Variants in HEATR5B observed in about 807,000 individuals in gnomAD.
The protein encoded by HEATR5B is HEAT repeat containing 5B.
HEATR5B carries 156 observed loss-of-function variants against 224.1 expected under a neutral mutation model. The observed-to-expected ratio is 0.70, with a 90% CI of 0.61 to 0.80. HEATR5B has a LOEUF of 0.80. Ranked by LOEUF, HEATR5B falls within the 30% of genes least tolerant of loss-of-function variation. The pLI is 0.00. For missense variants in HEATR5B, 2,323 were observed against 2,535.5 expected, an observed-to-expected ratio of 0.92 and a Z score of 1.80; for synonymous variants, 1,027 against 893.0, an observed-to-expected ratio of 1.15 and a Z score of -2.68.
intron 33 of HEATR5B, among the ~76,000 whole-genome samples, chr2:36,991,652 A>G (rs1228188852): frequency 1.3e-5 from 2 of 152,212 alleles, no homozygotes; most frequent in Non-Finnish European, 2.9e-5. Context: ...CATTTATTCT[A>G]AAGAACAATA....
Position 36,997,546 on chromosome 2 carries a change from TAC to T in HEATR5B, c.5545+3038_5545+3039del, listed in dbSNP as rs60975857. On this transcript the variant is annotated intron_variant, in intron 33 of 35. Coordinates refer to ENST00000233099, the MANE Select transcript of HEATR5B (RefSeq NM_019024.3). The stretch of plus-strand genomic sequence containing the variant: ...TCCTCTGTGACATCTTTCCTTGACT[TAC>T]AGTTAGTCCTCTGCCATTCTTTTTT... Among the ~76,000 whole-genome samples, 1,371 of 149,826 alleles carry T rather than the reference TAC, an allele frequency of 9.2e-3. 24 individuals are homozygous for T. Among genetic ancestry groups the T allele is most frequent in the African/African-American group, 0.032 (1,311 of 40,812 alleles).
At chr2:37,055,419 C>T (rs1670846207) in intron 16 of HEATR5B, among the ~76,000 whole-genome samples, 1 of 152,002 alleles carries the variant, frequency 6.6e-6, no homozygotes, top group South Asian at 2.1e-4. Flanking sequence ...CTTGGGTAAA[C>T]CAAACTCTTA....
At chr2:37,059,017 G>A (rs1671085454) in intron 12 of HEATR5B, 30 bp from the exon 13 acceptor site, 1 of 1,381,850 alleles carries the variant, frequency 7.2e-7, no homozygotes, top group African/African-American at 1.4e-5. Context: ...GGACAGATTT[G>A]GAGTAGCTTT....
chr2:37,000,014 A>AAAAAC (rs1265998426), intron 33 of HEATR5B, among the ~76,000 whole-genome samples: 1 of 151,956 alleles, frequency 6.6e-6, no homozygotes, highest in Non-Finnish European at 1.5e-5. Context: ...TTTGTCTCAA[A>AAAAAC]AAAACAAAAC....
Position 37,065,029 on chromosome 2 carries a change from G to C in HEATR5B, c.1334-39C>G, listed in dbSNP as rs202059345. The C allele has an allele frequency of 1.9e-6, 3 of 1,585,888 alleles. No homozygotes were observed. In the African/African-American group the frequency reaches 4.1e-5, roughly 21 times the overall value. On this transcript the variant is annotated intron_variant, in intron 9 of 35. Transcript: ENST00000233099. Reference sequence around the variant, plus strand: ...ACTCAAAATATTACTCTTTAATGAAGTCAAATGATTTCAGAAACTCAAATA... The same window carrying C: ...ACTCAAAATATTACTCTTTAATGAACTCAAATGATTTCAGAAACTCAAATA...
intron 21 of HEATR5B, among the ~76,000 whole-genome samples, chr2:37,033,978 A>C (rs1183316438): frequency 6.6e-6 from 1 of 152,208 alleles, no homozygotes; most frequent in East Asian, 1.9e-4. Context: ...TTTTAGAAAG[A>C]GTCCCAGACA....
At chr2:37,076,820 A>G in intron 4 of HEATR5B, 91 bp downstream of exon 4, 2 of 926,288 alleles carry the variant, frequency 2.2e-6, no homozygotes, top group Non-Finnish European at 3.4e-6. Context: ...ATATGAGACC[A>G]CAGTGACAGA....
intron 32 of HEATR5B, 104 bp downstream of exon 32, chr2:37,002,202 A>T (rs1341116486): frequency 4.8e-6 from 6 of 1,250,136 alleles, no homozygotes; most frequent in Non-Finnish European, 6.7e-6. Flanking sequence ...TTTTCACTTG[A>T]GATTTAAGAG....
In HEATR5B at chr2:37,002,339, G is replaced by C. The variant is rs1338822643; in HGVS notation, c.5284C>G (p.Leu1762Val). 2.5e-6 allele frequency: 4 copies of C among 1,614,238 alleles called. No individual in the cohort carries two copies. The highest frequency in any genetic ancestry group is 1.7e-5 in the Admixed American group (1 of 60,028). ...ARLVAATVTI[L>V]SDLPSLCSPA... Reference sequence around the variant, plus strand: ...GAACAAAGGGATGGTAAATCAGAGAGTATGGTAACTGTGGCTGCCACCAAA... The same window carrying C: ...GAACAAAGGGATGGTAAATCAGAGACTATGGTAACTGTGGCTGCCACCAAA... Residue 1762 changes from leucine to valine, a missense_variant, in exon 32 of 36, where the codon CTC becomes GTC. Physicochemically the swap from Leu to Val is conservative, Grantham distance 32 (BLOSUM62 1). Around this residue, in one of 12 missense-constraint regions of HEATR5B, gnomAD observed 844 missense variants for 812.9 expected, o/e 1.04. Coordinates refer to ENST00000233099, the MANE Select transcript of HEATR5B (RefSeq NM_019024.3).
chr2:36,996,030 C>T (rs1269609030), intron 33 of HEATR5B, among the ~76,000 whole-genome samples: 1 of 151,462 alleles, frequency 6.6e-6, no homozygotes, highest in Non-Finnish European at 1.5e-5. Flanking sequence ...GGACCACAGG[C>T]ACACGTCACT....
chr2:37,031,418 TGTTTTTCTTTTC>T (rs998722732), intron 22 of HEATR5B, among the ~76,000 whole-genome samples: 7 of 148,290 alleles, frequency 4.7e-5, no homozygotes, highest in Non-Finnish European at 1.0e-4. Flanking sequence ...GCTGTTTTTC[TGTTTTTCTTTTC>T]TTTCTTTTTT....
chr2:37,049,258 G>C (rs1439585217), intron 18 of HEATR5B, among the ~76,000 whole-genome samples: 1 of 152,044 alleles, frequency 6.6e-6, no homozygotes, highest in Non-Finnish European at 1.5e-5. Flanking sequence ...GCAGCAGTTA[G>C]AAAAAGAATG....
chr2:37,024,448 T>C (rs1668647081), intron 24 of HEATR5B, among the ~76,000 whole-genome samples: 1 of 152,244 alleles, frequency 6.6e-6, no homozygotes, highest in Non-Finnish European at 1.5e-5. Flanking sequence ...ATTTGCTAGA[T>C]TTAACTATTC....
At chr2:37,025,220 T>G (rs1668695032) in intron 24 of HEATR5B, among the ~76,000 whole-genome samples, 1 of 152,150 alleles carries the variant, frequency 6.6e-6, no homozygotes, top group Non-Finnish European at 1.5e-5. Flanking sequence ...CACTGGAATC[T>G]AGGTGGGAGC....
At chr2:37,009,454 G>A (rs1667651232) in intron 27 of HEATR5B, among the ~76,000 whole-genome samples, 2 of 151,840 alleles carry the variant, frequency 1.3e-5, no homozygotes. Context: ...GCACATGCCT[G>A]TAGCCCCAGC....
rs1671833262 is a variant in HEATR5B at position 37,070,354 on chromosome 2, T to C, written c.803A>G (p.Asp268Gly). ...MRQNVKRATF[D>G]EVLELMATGF... is the part of the protein sequence containing the mutation. Reference sequence around the variant, plus strand: ...TGTGGCCATGAGTTCTAAGACTTCATCAAATGTTGCTCGCTTCACATTCTG... The same window carrying C: ...TGTGGCCATGAGTTCTAAGACTTCACCAAATGTTGCTCGCTTCACATTCTG... Residue 268 changes from aspartate to glycine, a missense_variant, in exon 7 of 36, where the codon GAT becomes GGT. By Grantham distance (94) the Asp-to-Gly change is moderately conservative (BLOSUM62 -1). Transcript: ENST00000233099. The C allele has an allele frequency of 1.2e-6, 2 of 1,614,044 alleles. No individual in the cohort carries two copies. Among genetic ancestry groups the C allele is most frequent in the Non-Finnish European group, 1.7e-6 (2 of 1,179,934 alleles).
At chr2:37,009,256 CA>C (rs57022846) in intron 27 of HEATR5B, among the ~76,000 whole-genome samples, 7,890 of 65,444 alleles carry the variant, frequency 0.12, 319 homozygotes, top group African/African-American at 0.29. Context: ...GACTCTGTCT[CA>C]AAAAAAAAAA....
intron 35 of HEATR5B, among the ~76,000 whole-genome samples, chr2:36,984,215 A>AAATATATATATAT: frequency 1.3e-5 from 1 of 77,642 alleles, no homozygotes; most frequent in African/African-American, 5.9e-5. Context: ...AAAAAAAAAA[A>AAATATATATATAT]ATATATATAT....
intron 10 of HEATR5B, among the ~76,000 whole-genome samples, chr2:37,062,353 TG>T (rs1671335012): frequency 6.6e-6 from 1 of 151,942 alleles, no homozygotes; most frequent in Admixed American, 6.6e-5. Flanking sequence ...TTGCTTGAAC[TG>T]GGGAGGCGGA....
Sources: allele counts gnomAD v4.1 joint callset (sites outside exome capture counted in the v4.1 genomes callset), GRCh38; gene constraint gnomAD v4.1.1; regional missense constraint gnomAD v4.1.1; transcripts MANE v1.5; gene names NCBI Gene and HGNC (gene_info 2026-07-23, HGNC 2026-07-21).